ARL13A: variants seen among roughly 807,000 people sequenced by gnomAD.
ARL13A encodes ARF like GTPase 13A, also known as ADP-ribosylation factor-like protein 13A.
Under a neutral mutation model 19.1 loss-of-function variants are expected in ARL13A, and 16 were observed. The observed-to-expected ratio is 0.84, with a 90% confidence interval of 0.57 to 1.27. The LOEUF is 1.27. Among genes scored for constraint, ARL13A ranks in the 50% most tolerant of loss-of-function variants. The probability of loss-of-function intolerance (pLI) is 0.00; values close to 1 mark genes in which losing one functional copy is unlikely to be tolerated. For missense variants in ARL13A, 153 were observed against 186.4 expected, an observed-to-expected ratio of 0.82 and a Z score of 1.04; for synonymous variants, 69 against 71.3, an observed-to-expected ratio of 0.97 and a Z score of 0.17.
intron 1 of ARL13A, among the ~76,000 whole-genome samples, chrX:100,973,379 C>T (rs1410258726): frequency 5.0e-5 from 5 of 99,429 alleles, no homozygotes; most frequent in East Asian, 3.4e-4. Context: ...TCCTTGCCCT[C>T]GGGCCCCGCG....
rs758628512 is a variant in ARL13A at position 100,985,866 on chromosome X, C to T, written c.330C>T (p.Ile110=). Residue 110 remains isoleucine (I), a synonymous_variant, in exon 4 of 8, where the codon ATC becomes ATT. Transcript: ENST00000450049. The part of the protein sequence containing the change: ...DIRRMQEVKI[I]LTHLLSDKRV... The stretch of plus-strand genomic sequence containing the variant: ...GACGCATGCAGGAAGTGAAGATCAT[C>T]TTAACACATCTGCTGTCCGATAAAA... 2 of 1,210,663 alleles carry T rather than the reference C, an allele frequency of 1.7e-6. No individual in the cohort carries two copies. The highest frequency in any genetic ancestry group is 2.2e-6 in the Non-Finnish European group (2 of 894,985).
At chrX:100,973,441 G>C (rs1281336665) in intron 1 of ARL13A, among the ~76,000 whole-genome samples, 1 of 107,175 alleles carries the variant, frequency 9.3e-6, no homozygotes, top group Admixed American at 9.8e-5. Flanking sequence ...TCGCCGGCGC[G>C]GCGGCAAAGA....
intron 2 of ARL13A, 100 bp from the exon 3 acceptor site, chrX:100,974,027 C>T (rs1468261572): frequency 2.9e-6 from 2 of 697,222 alleles, no homozygotes; most frequent in East Asian, 3.5e-5. Flanking sequence ...GAGATTACTG[C>T]AGGCAGAGTC....
chrX:100,986,798 T>C lies in ARL13A; in HGVS notation c.383T>C (p.Leu128Ser). 3 of 1,188,625 alleles carry C rather than the reference T, an allele frequency of 2.5e-6. No individual in the cohort carries two copies. Among genetic ancestry groups the C allele is most frequent in the Non-Finnish European group, 3.4e-6 (3 of 880,610 alleles). ...CCCTCTCTCATATGCTGTTTTAGTT[T>C]AGCAAACAAACAAGACAAGAAGAAA... ...KRVAGKPILI[L>S]ANKQDKKKAL... The change falls in exon 5 of 8, where the codon TTA becomes TCA. Residue 128 changes from leucine (L) to serine (S), a missense_variant and splice_region_variant. Leu to Ser is a moderately radical substitution (Grantham distance 145, BLOSUM62 -2). Coordinates refer to ENST00000450049, the MANE Select transcript of ARL13A (RefSeq NM_001162491.2).
At chrX:100,982,470 AAAATAAATAAATAAATAAAT>A (rs199792040) in intron 3 of ARL13A, among the ~76,000 whole-genome samples, 5 of 91,277 alleles carry the variant, frequency 5.5e-5, no homozygotes, top group Non-Finnish European at 1.1e-4. Flanking sequence ...CCAGGCTTAA[AAAATAAATAAATAAATAAAT>A]AAATAAATAA....
intron 7 of ARL13A, chrX:100,988,602 T>G: frequency 1.2e-6 from 1 of 866,764 alleles, no homozygotes; most frequent in Non-Finnish European, 1.5e-6. Flanking sequence ...TACATAGGCC[T>G]TCCCTAACAA....
chrX:100,986,633 G>A (rs1400738505), intron 4 of ARL13A, among the ~76,000 whole-genome samples, 163 bp from the exon 5 acceptor site: 1 of 112,312 alleles, frequency 8.9e-6, no homozygotes, highest in Non-Finnish European at 1.9e-5. Context: ...CTAGAAAAAT[G>A]TCTAGCTCAT....
chrX:100,990,327 T>A, intron 7 of ARL13A: 1 of 910,801 alleles, frequency 1.1e-6, no homozygotes, highest in Non-Finnish European at 1.4e-6. Context: ...CTCTTTTTAC[T>A]TTCAACAGAG....
chrX:100,985,646 C>T, intron 3 of ARL13A, 21 bp from the exon 4 acceptor site: 3 of 1,187,818 alleles, frequency 2.5e-6, no homozygotes, highest in Non-Finnish European at 3.4e-6. Flanking sequence ...GATTGCTTCT[C>T]CTCTTTTCCC....
At chrX:100,988,423 T>G in intron 7 of ARL13A, 140 bp downstream of exon 7, 2 of 1,202,761 alleles carry the variant, frequency 1.7e-6, no homozygotes, top group South Asian at 3.6e-5. Flanking sequence ...GTCAGTAACA[T>G]TTGCTTTAGA....
At chrX:100,975,187 C>A (rs1371609371) in intron 3 of ARL13A, among the ~76,000 whole-genome samples, 2 of 112,092 alleles carry the variant, frequency 1.8e-5, no homozygotes, top group Non-Finnish European at 3.8e-5. Flanking sequence ...AGTCCTCCTC[C>A]AACTTCATTT....
At chrX:100,971,235 C>A (rs2085644645) in intron 1 of ARL13A, among the ~76,000 whole-genome samples, 1 of 99,071 alleles carries the variant, frequency 1.0e-5, no homozygotes, top group Non-Finnish European at 2.0e-5. Flanking sequence ...ACTAGACGAT[C>A]TCTAAGGTCC....
rs762351188 is a variant in ARL13A, at chrX:100,990,547, A to G, written c.745-15A>G. 5.3e-6 allele frequency: 6 copies of G among 1,136,271 alleles called. No individual in the cohort carries two copies. The highest frequency in any genetic ancestry group is 2.2e-5 in the South Asian group (1 of 46,255). 93.6% of individuals were successfully genotyped at this position (1,136,271 alleles called of 1,213,427 possible). A position where few individuals can be genotyped will look rare whatever the true frequency, so the allele number is the denominator to read the frequency against. ...CCCTGAGAACCCCTGTTGTTCCTGT[A>G]TATCTATATTCTAGCCATCAAATCA... On this transcript the variant is annotated splice_polypyrimidine_tract_variant and intron_variant, in intron 7 of 7. Coordinates refer to ENST00000450049, the MANE Select transcript of ARL13A (RefSeq NM_001162491.2).
chrX:100,986,019 T>C (rs745357562), intron 4 of ARL13A, 103 bp downstream of exon 4: 86 of 991,783 alleles, frequency 8.7e-5, no homozygotes, highest in Admixed American at 2.0e-4. Context: ...CAGCTAGGCC[T>C]CCTGTTCCCT....
chrX:100,987,258 G>T, intron 5 of ARL13A, 132 bp from the exon 6 acceptor site: 1 of 613,807 alleles, frequency 1.6e-6, no homozygotes, highest in South Asian at 3.3e-5. Flanking sequence ...GTGTCTCCTA[G>T]AAGTCTCAGA....
intron 3 of ARL13A, among the ~76,000 whole-genome samples, chrX:100,984,275 G>C (rs769041565): frequency 9.1e-6 from 1 of 109,397 alleles, no homozygotes; most frequent in Non-Finnish European, 1.9e-5. Flanking sequence ...CACCGCACCC[G>C]GCTAAGTTGT....
intron 1 of ARL13A, 77 bp from the exon 2 acceptor site, chrX:100,973,599 T>C (rs931468959): frequency 2.0e-6 from 2 of 1,009,533 alleles, no homozygotes; most frequent in Non-Finnish European, 2.8e-6. Flanking sequence ...AGCACCTGTT[T>C]AGTCATAAGC....
intron 3 of ARL13A, 29 bp downstream of exon 3, chrX:100,974,226 C>G (rs761453207): frequency 5.6e-6 from 6 of 1,076,381 alleles, no homozygotes; most frequent in Non-Finnish European, 7.6e-6. Flanking sequence ...TAGATACTGG[C>G]GTGGGTCTCC....
At chrX:100,980,224 GC>G (rs1446984169) in intron 3 of ARL13A, among the ~76,000 whole-genome samples, 1 of 111,435 alleles carries the variant, frequency 9.0e-6, no homozygotes, top group Admixed American at 9.5e-5. Context: ...GTCTAGAAAT[GC>G]CACCAGGAGC....
Sources: allele counts gnomAD v4.1 joint callset (sites outside exome capture counted in the v4.1 genomes callset), GRCh38; gene constraint gnomAD v4.1.1; transcripts MANE v1.5; gene names NCBI Gene and HGNC (gene_info 2026-07-23, HGNC 2026-07-21).